The following SLIT3 variants were observed in gnomAD, a reference collection of about 807,000 sequenced individuals.
SLIT3 encodes slit guidance ligand 3, also known as slit homolog 3 protein.
SLIT3 carries 68 observed loss-of-function variants against 184.0 expected under a neutral mutation model. The ratio of observed to expected loss-of-function variants is 0.37; its 90% CI spans 0.30 to 0.45. The LOEUF (loss-of-function observed/expected upper bound fraction) is 0.45. Among genes scored for constraint, SLIT3 ranks in the 20% least tolerant of loss-of-function variants. SLIT3 has a pLI of 1.00. For synonymous variants in SLIT3, 831 were observed against 828.6 expected (o/e 1.00, Z -0.05); for missense variants, 1,707 against 2,026.0 (o/e 0.84, Z 3.02).
chr5:169,194,679 C>T (rs1308194382), intron 3 of SLIT3, among the ~76,000 whole-genome samples: 1 of 152,124 alleles, frequency 6.6e-6, no homozygotes, highest in East Asian at 1.9e-4. Context: ...GAGAAGTAGG[C>T]CCTGGGTCAG....
chr5:168,907,218 C>G (rs371447691), intron 4 of SLIT3, among the ~76,000 whole-genome samples: 1 of 152,346 alleles, frequency 6.6e-6, no homozygotes. Context: ...ACAAGGCTGA[C>G]AGCAGCCTTT....
At chr5:168,856,796 T>C (rs1179589037) in intron 5 of SLIT3, among the ~76,000 whole-genome samples, 2 of 145,328 alleles carry the variant, frequency 1.4e-5, no homozygotes, top group African/African-American at 5.4e-5. Context: ...TGTGTGTGTG[T>C]GTGTGTGTGT....
At chr5:168,874,128 T>C (rs1759642390) in intron 5 of SLIT3, among the ~76,000 whole-genome samples, 1 of 151,914 alleles carries the variant, frequency 6.6e-6, no homozygotes, top group Admixed American at 6.6e-5. Context: ...TTGCTTGCTG[T>C]ACATTTAGTG....
At chr5:168,786,402 G>T (rs1030594555) in intron 11 of SLIT3, among the ~76,000 whole-genome samples, 2 of 152,108 alleles carry the variant, frequency 1.3e-5, no homozygotes, top group Non-Finnish European at 2.9e-5. Flanking sequence ...ATATCCCTTT[G>T]CATCTTAGGA....
chr5:168,732,375 T>C (rs1763312977), intron 20 of SLIT3, among the ~76,000 whole-genome samples: 1 of 152,126 alleles, frequency 6.6e-6, no homozygotes, highest in African/African-American at 2.4e-5. Flanking sequence ...GTTGTTAAAA[T>C]GACCATACTG....
At chr5:169,041,555 T>G (rs1403663079) in intron 4 of SLIT3, among the ~76,000 whole-genome samples, 1 of 152,196 alleles carries the variant, frequency 6.6e-6, no homozygotes, top group East Asian at 1.9e-4. Flanking sequence ...AAAGCTTCCA[T>G]AGAATAATTA....
At chr5:168,899,035 A>G (rs537887990) in intron 4 of SLIT3, among the ~76,000 whole-genome samples, 13 of 152,360 alleles carry the variant, frequency 8.5e-5, no homozygotes, top group African/African-American at 3.1e-4. Context: ...AAGTCAGGCT[A>G]AAAGCATATT....
At chr5:169,000,876 G>T (rs906176439) in intron 4 of SLIT3, among the ~76,000 whole-genome samples, 1 of 151,918 alleles carries the variant, frequency 6.6e-6, no homozygotes, top group Non-Finnish European at 1.5e-5. Context: ...TCTTTTTTGG[G>T]GTTTTCAGTT....
At chr5:169,066,157 G>C (rs1434072056) in intron 4 of SLIT3, among the ~76,000 whole-genome samples, 2 of 152,146 alleles carry the variant, frequency 1.3e-5, no homozygotes, top group East Asian at 3.9e-4. Context: ...CTATTTTTGA[G>C]CAGTCTGGAA....
At chr5:169,225,824 G>A (rs1326969501) in intron 3 of SLIT3, among the ~76,000 whole-genome samples, 2 of 152,244 alleles carry the variant, frequency 1.3e-5, no homozygotes, top group Non-Finnish European at 2.9e-5. Flanking sequence ...CACCATGGCA[G>A]GGAACCAAAG....
chr5:169,246,921 CAAAAAAAAAA>C (rs34365189), intron 2 of SLIT3, among the ~76,000 whole-genome samples: 2 of 25,606 alleles, frequency 7.8e-5, no homozygotes, highest in Admixed American at 5.6e-4. Context: ...GACTCTGTCT[CAAAAAAAAAA>C]AAAAAAAAAA....
chr5:168,769,049 C>G (rs1755451913), intron 14 of SLIT3, among the ~76,000 whole-genome samples: 1 of 152,134 alleles, frequency 6.6e-6, no homozygotes, highest in Non-Finnish European at 1.5e-5. Flanking sequence ...TGAAGGGCCT[C>G]TTTGAGACTA....
chr5:168,955,193 T>C (rs1217193094), intron 4 of SLIT3, among the ~76,000 whole-genome samples: 1 of 152,202 alleles, frequency 6.6e-6, no homozygotes, highest in Non-Finnish European at 1.5e-5. Flanking sequence ...AGTTTGACAT[T>C]GTCAATGGTG....
intron 5 of SLIT3, among the ~76,000 whole-genome samples, chr5:168,854,394 T>C (rs1758783849): frequency 8.4e-6 from 1 of 119,360 alleles, no homozygotes; most frequent in African/African-American, 3.9e-5. Context: ...GTCCCCACCA[T>C]TGCCTCCTTG....
intron 4 of SLIT3, among the ~76,000 whole-genome samples, chr5:169,006,307 C>T (rs188083679): frequency 2.0e-4 from 31 of 152,304 alleles, no homozygotes; most frequent in Non-Finnish European, 3.2e-4. Flanking sequence ...AAATTAGCTT[C>T]TTCACCTAAG....
At chr5:169,191,099 A>C (rs1214211024) in intron 4 of SLIT3, among the ~76,000 whole-genome samples, 1 of 152,240 alleles carries the variant, frequency 6.6e-6, no homozygotes, top group Non-Finnish European at 1.5e-5. Context: ...AACACCCAGA[A>C]CAGAGGCCAT....
intron 4 of SLIT3, among the ~76,000 whole-genome samples, chr5:169,162,643 GGTT>G (rs1554103384): frequency 6.6e-6 from 1 of 152,218 alleles, no homozygotes; most frequent in Non-Finnish European, 1.5e-5. Flanking sequence ...CGTGTTCAGA[GGTT>G]TGGGGTCAAA....
rs976351866 is a variant in SLIT3, at chr5:169,259,923, C to T, written c.198-8464G>A. 2.6e-5 allele frequency among the ~76,000 whole-genome samples: 4 copies of T among 152,138 alleles called. No homozygotes were observed. In the South Asian group the frequency reaches 6.2e-4, roughly 24 times the overall value. On this transcript the variant is annotated intron_variant, in intron 1 of 35. Coordinates refer to ENST00000519560, the MANE Select transcript of SLIT3 (RefSeq NM_003062.4). ...CAAGGCAAGAATTTGCAAAATGAAA[C>T]GTTAAGGGATGTGGTCTAAACACCA...
At chr5:168,969,891 CA>C (rs1754505987) in intron 4 of SLIT3, among the ~76,000 whole-genome samples, 1 of 152,174 alleles carries the variant, frequency 6.6e-6, no homozygotes, top group Non-Finnish European at 1.5e-5. Flanking sequence ...CTTTAAGAAG[CA>C]AAGACAAGGC....
Sources: gnomAD v4.1 joint callset for allele counts (sites outside exome capture counted in the v4.1 genomes callset) on GRCh38, gnomAD v4.1.1 for gene constraint, MANE v1.5 for transcripts, NCBI Gene and HGNC (gene_info 2026-07-23, HGNC 2026-07-21) for gene names.